Variants in SLC8A3 observed in about 807,000 individuals in gnomAD.
SLC8A3 encodes sodium/calcium exchanger 3.
A neutral mutation model predicts 65.4 loss-of-function variants in SLC8A3; 37 were observed. The observed-to-expected ratio is 0.57, with a 90% confidence interval of 0.44 to 0.74. The LOEUF (loss-of-function observed/expected upper bound fraction) is 0.74. Among genes scored for constraint, SLC8A3 ranks in the 30% least tolerant of loss-of-function variants. SLC8A3 has a pLI of 0.00. For synonymous variants in SLC8A3, 461 were observed against 444.5 expected (o/e 1.04, Z -0.47); for missense variants, 1,112 against 1,172.1 (o/e 0.95, Z 0.75).
rs1050460382 is a variant in SLC8A3 at position 70,045,638 on chromosome 14, C to A, written c.*309G>T. 3.9e-6 allele frequency: 1 copy of A among 255,332 alleles called. No individual in the cohort carries two copies. The highest frequency in any genetic ancestry group is 7.5e-6 in the Non-Finnish European group (1 of 133,004). The allele number at this position is 255,332 out of a possible 1,614,324, so 15.8% of individuals were successfully genotyped here. A position where few individuals can be genotyped will look rare whatever the true frequency, so the allele number is the denominator to read the frequency against. On this transcript the variant is annotated 3_prime_UTR_variant, in exon 7 of 7. Coordinates refer to ENST00000356921, the MANE Select transcript of SLC8A3 (RefSeq NM_182932.3). ...AATCAAAAGATGGAATAGAAGGAGG[C>A]GAAAGGCTCTGACCTTTGCTTTGGG...
chr14:70,128,198 C>A (rs1894605267), intron 2 of SLC8A3, among the ~76,000 whole-genome samples: 1 of 152,198 alleles, frequency 6.6e-6, no homozygotes, highest in Admixed American at 6.5e-5. Context: ...CACTTGGTAT[C>A]CAAATCTAGT....
intron 1 of SLC8A3, among the ~76,000 whole-genome samples, chr14:70,182,236 G>C (rs1165132425): frequency 6.6e-6 from 1 of 152,128 alleles, no homozygotes; most frequent in African/African-American, 2.4e-5. Flanking sequence ...ATGATGTCAG[G>C]TTAGTAAAAA....
chr14:70,101,645 T>C (rs1594984361), intron 2 of SLC8A3, among the ~76,000 whole-genome samples: 1 of 152,180 alleles, frequency 6.6e-6, no homozygotes, highest in Non-Finnish European at 1.5e-5. Context: ...CTTGTACCTC[T>C]GGCCATGATG....
At chr14:70,157,730 C>A (rs1896657141) in intron 2 of SLC8A3, among the ~76,000 whole-genome samples, 1 of 152,162 alleles carries the variant, frequency 6.6e-6, no homozygotes, top group Non-Finnish European at 1.5e-5. Context: ...GATGCCAGTC[C>A]CAATCTGTGC....
chr14:70,163,666 A>G (rs1897012413), intron 2 of SLC8A3, among the ~76,000 whole-genome samples: 2 of 152,186 alleles, frequency 1.3e-5, no homozygotes, highest in Non-Finnish European at 2.9e-5. Context: ...AGAGCAAACA[A>G]TCATTATTCA....
intron 2 of SLC8A3, among the ~76,000 whole-genome samples, chr14:70,095,467 T>C (rs1892108939): frequency 6.6e-6 from 1 of 152,364 alleles, no homozygotes; most frequent in Middle Eastern, 3.4e-3. Flanking sequence ...ACAACTTACT[T>C]ATGCTTTGAG....
chr14:70,156,813 G>T (rs1189999214), intron 2 of SLC8A3, among the ~76,000 whole-genome samples: 4 of 152,184 alleles, frequency 2.6e-5, no homozygotes, highest in African/African-American at 9.7e-5. Context: ...GGCATGAATG[G>T]CAGGGAAGCT....
chr14:70,166,031 C>T lies in SLC8A3; in HGVS notation c.1784+608G>A, dbSNP rs73276796. Among the ~76,000 whole-genome samples the T allele has an allele frequency of 8.7e-3, 1,329 of 152,282 alleles. 19 individuals are homozygous for T. Among genetic ancestry groups the T allele is most frequent in the African/African-American group, 0.03 (1,235 of 41,564 alleles). ...TCAACTAGGCTGGGCAAGCCTCACA[C>T]CATTAAATAGTCTATGGTCATTTAA... On this transcript the variant is annotated intron_variant, in intron 2 of 6. Transcript: ENST00000356921.
chr14:70,174,672 T>TTG (rs1897779334), intron 1 of SLC8A3, among the ~76,000 whole-genome samples: 2 of 117,534 alleles, frequency 1.7e-5, no homozygotes, highest in Non-Finnish European at 2.0e-5. Context: ...GTTTTTTTTT[T>TTG]TTTTTTTTTT....
At chr14:70,074,985 A>C (rs1036429339) in intron 2 of SLC8A3, among the ~76,000 whole-genome samples, 2 of 152,102 alleles carry the variant, frequency 1.3e-5, no homozygotes, top group African/African-American at 2.4e-5. Context: ...GCTGCTGCTT[A>C]CTTACTACAG....
chr14:70,135,484 C>G (rs1167540140), intron 2 of SLC8A3, among the ~76,000 whole-genome samples: 1 of 152,084 alleles, frequency 6.6e-6, no homozygotes, highest in African/African-American at 2.4e-5. Context: ...GATATGGAAT[C>G]AACCTAAATA....
At position 70,107,889 on chromosome 14, in the gene SLC8A3, T is replaced by C. The variant is rs1892983459; in HGVS notation, c.1785-46950A>G. On this transcript the variant is annotated intron_variant, in intron 2 of 6. Transcript: ENST00000356921. Reference sequence around the variant, plus strand: ...CCTTCTATTTTCCTTTCCAAAAACCTCCTTTCATCATTCAGGTCAGGTCTG... The same window carrying C: ...CCTTCTATTTTCCTTTCCAAAAACCCCCTTTCATCATTCAGGTCAGGTCTG... 2.0e-5 allele frequency among the ~76,000 whole-genome samples: 3 copies of C among 152,062 alleles called. 1 individual carries two copies. Among genetic ancestry groups the C allele is most frequent in the South Asian group, 4.2e-4 (2 of 4,814 alleles).
chr14:70,103,402 T>C (rs1028386067), intron 2 of SLC8A3, among the ~76,000 whole-genome samples: 2 of 152,068 alleles, frequency 1.3e-5, no homozygotes, highest in African/African-American at 4.8e-5. Flanking sequence ...ATATGTATTT[T>C]TCTACTCATA....
chr14:70,078,279 C>G (rs745471082), intron 2 of SLC8A3, among the ~76,000 whole-genome samples: 1 of 152,346 alleles, frequency 6.6e-6, no homozygotes, highest in East Asian at 1.9e-4. Flanking sequence ...TTTCAAAACA[C>G]TTTCCCAGAT....
At chr14:70,109,704 C>T (rs1275961496) in intron 2 of SLC8A3, among the ~76,000 whole-genome samples, 1 of 152,138 alleles carries the variant, frequency 6.6e-6, no homozygotes, top group African/African-American at 2.4e-5. Context: ...GATCTGCCTG[C>T]CTCAGCCTCC....
chr14:70,073,957 T>C (rs989562595), intron 2 of SLC8A3, among the ~76,000 whole-genome samples: 1 of 152,220 alleles, frequency 6.6e-6, no homozygotes, highest in African/African-American at 2.4e-5. Context: ...CCAGGAAAGA[T>C]TGCTGTCCCT....
intron 2 of SLC8A3, among the ~76,000 whole-genome samples, chr14:70,115,962 C>G (rs991763078): frequency 6.6e-6 from 1 of 152,122 alleles, no homozygotes; most frequent in Admixed American, 6.5e-5. Flanking sequence ...CCAGACCGTC[C>G]CTCCCTCCAC....
In SLC8A3 at chr14:70,168,170, T is replaced by G; in HGVS notation, c.253A>C (p.Ile85Leu). ...ARVIVYFVALIYMFLGVSIIA... is the reference protein window; with the variant it reads ...ARVIVYFVALLYMFLGVSIIA... ...ATGGACACCCCAAGGAACATGTATA[T>G]CAGGGCCACAAAATAGACAATGACC... Residue 85 changes from isoleucine (I) to leucine (L), a missense_variant, in exon 2 of 7, where the codon ATA (isoleucine) becomes CTA (leucine). Physicochemically the swap from Ile to Leu is conservative, Grantham distance 5. Coordinates refer to ENST00000356921, the MANE Select transcript of SLC8A3 (RefSeq NM_182932.3). 1 of 1,614,074 alleles carries G rather than the reference T, an allele frequency of 6.2e-7. No individual in the cohort carries two copies.
At chr14:70,174,938 G>C (rs1897810757) in intron 1 of SLC8A3, among the ~76,000 whole-genome samples, 2 of 152,140 alleles carry the variant, frequency 1.3e-5, no homozygotes, top group African/African-American at 4.8e-5. Context: ...TTTTAATGTA[G>C]AGAATGTTGC....
Sources: gnomAD v4.1 joint callset for allele counts (sites outside exome capture counted in the v4.1 genomes callset) on GRCh38, gnomAD v4.1.1 for gene constraint, MANE v1.5 for transcripts, NCBI Gene and HGNC (gene_info 2026-07-23, HGNC 2026-07-21) for gene names.